SAMMSON: variants seen among roughly 807,000 people sequenced by gnomAD.
SAMMSON encodes survival associated mitochondrial melanoma specific oncogenic non-coding RNA, also known as long intergenic non-protein coding RNA 1212.
At chr3:70,418,687 T>C (rs1701284155) in intron 2 of SAMMSON, among the ~76,000 whole-genome samples, 1 of 152,188 alleles carries the variant, frequency 6.6e-6, no homozygotes, top group Admixed American at 6.5e-5. Context: ...ACTCCTCCTT[T>C]TAGGGTTTTA....
At chr3:70,023,937 A>G (rs191348706) in intron 3 of SAMMSON, among the ~76,000 whole-genome samples, 1 of 152,258 alleles carries the variant, frequency 6.6e-6, no homozygotes. Flanking sequence ...TCCTCCCAGA[A>G]TGCCCACAGT....
chr3:70,419,056 A>C (rs375023080), intron 2 of SAMMSON, among the ~76,000 whole-genome samples: 6 of 131,578 alleles, frequency 4.6e-5, no homozygotes, highest in East Asian at 2.3e-4. Context: ...CAGGGATCTC[A>C]CTCTTTCACC....
intron 7 of SAMMSON, among the ~76,000 whole-genome samples, chr3:70,304,014 G>T (rs541329086): frequency 6.6e-6 from 1 of 152,234 alleles, no homozygotes; most frequent in East Asian, 1.9e-4. Context: ...AATGTAGTAG[G>T]ATAGAGTTTA....
intron 7 of SAMMSON, among the ~76,000 whole-genome samples, chr3:70,326,271 G>C (rs1015306379): frequency 1.3e-5 from 2 of 152,026 alleles, no homozygotes. Context: ...TGATGGGTTT[G>C]ACATTCCAGC....
chr3:70,216,034 T>C (rs954685412), intron 4 of SAMMSON, among the ~76,000 whole-genome samples: 1 of 152,078 alleles, frequency 6.6e-6, no homozygotes, highest in African/African-American at 2.4e-5. Flanking sequence ...TACAAAAAGA[T>C]ACAAATAAAT....
chr3:70,019,628 AT>A (rs2067002609), intron 3 of SAMMSON, among the ~76,000 whole-genome samples: 1 of 152,070 alleles, frequency 6.6e-6, no homozygotes, highest in African/African-American at 2.4e-5. Context: ...TGTCATTATG[AT>A]GTTAGCTGGT....
intron 3 of SAMMSON, among the ~76,000 whole-genome samples, chr3:70,049,421 T>C (rs1040407549): frequency 2.0e-5 from 3 of 152,168 alleles, no homozygotes; most frequent in African/African-American, 7.2e-5. Context: ...TGTACATAAA[T>C]GCATATCACA....
chr3:70,038,190 G>C (rs1179985222), intron 3 of SAMMSON, among the ~76,000 whole-genome samples: 2 of 152,140 alleles, frequency 1.3e-5, no homozygotes, highest in Non-Finnish European at 2.9e-5. Flanking sequence ...TTGTGTGATA[G>C]GGTATAATGA....
intron 4 of SAMMSON, among the ~76,000 whole-genome samples, chr3:70,100,227 G>A (rs1225873505): frequency 6.6e-6 from 1 of 151,916 alleles, no homozygotes; most frequent in East Asian, 1.9e-4. Flanking sequence ...GCTCACTGCA[G>A]CCTCAACCTC....
At chr3:70,417,682 T>A (rs532867822) in intron 2 of SAMMSON, among the ~76,000 whole-genome samples, 1 of 152,152 alleles carries the variant, frequency 6.6e-6, no homozygotes, top group Non-Finnish European at 1.5e-5. Flanking sequence ...AGCTTATTTT[T>A]TTTTGTGGTC....
intron 7 of SAMMSON, among the ~76,000 whole-genome samples, chr3:70,323,817 G>C (rs1164982300): frequency 6.6e-6 from 1 of 152,062 alleles, no homozygotes; most frequent in Non-Finnish European, 1.5e-5. Flanking sequence ...CCTGGAGTCT[G>C]CTTCAGCTTC....
downstream of SAMMSON, among the ~76,000 whole-genome samples, chr3:70,392,066 G>A (rs57503871): frequency 0.062 from 9,498 of 152,102 alleles, 421 homozygotes; most frequent in African/African-American, 0.13. Flanking sequence ...TGGGTACCCC[G>A]CCTAGCCCTA....
At chr3:70,142,193 G>A (rs1576133600) in intron 4 of SAMMSON, among the ~76,000 whole-genome samples, 1 of 152,188 alleles carries the variant, frequency 6.6e-6, no homozygotes, top group East Asian at 1.9e-4. Context: ...TCTACCCAGA[G>A]GAAAAGAAGT....
chr3:70,008,813 A>T (rs560164606), intron 1 of SAMMSON, among the ~76,000 whole-genome samples: 1 of 152,338 alleles, frequency 6.6e-6, no homozygotes, highest in South Asian at 2.1e-4. Context: ...GATACGTCCC[A>T]TCAATACCTA....
intron 9 of SAMMSON, among the ~76,000 whole-genome samples, chr3:70,379,934 G>A (rs1011370575): frequency 1.3e-5 from 2 of 152,042 alleles, no homozygotes; most frequent in African/African-American, 4.8e-5. Flanking sequence ...GTTAAAAAAG[G>A]GAATAAGGCA....
At chr3:70,228,332 A>T (rs1377695212) in intron 4 of SAMMSON, among the ~76,000 whole-genome samples, 1 of 152,160 alleles carries the variant, frequency 6.6e-6, no homozygotes, top group Non-Finnish European at 1.5e-5. Context: ...CTTTTCTTTA[A>T]TCAAAGTTTC....
At chr3:70,328,683 C>T (rs1423055519) in intron 7 of SAMMSON, among the ~76,000 whole-genome samples, 2 of 152,026 alleles carry the variant, frequency 1.3e-5, no homozygotes, top group African/African-American at 4.8e-5. Flanking sequence ...TGGTGAACAA[C>T]TTTAAACAGT....
chr3:70,128,637 T>C (rs1316493967), intron 4 of SAMMSON, among the ~76,000 whole-genome samples: 1 of 152,226 alleles, frequency 6.6e-6, no homozygotes. Flanking sequence ...GAAATTCTTA[T>C]TTGAAAGGTT....
intron 4 of SAMMSON, among the ~76,000 whole-genome samples, chr3:70,130,001 T>G (rs73108017): frequency 0.073 from 11,075 of 152,294 alleles, 546 homozygotes; most frequent in Non-Finnish European, 0.11. Flanking sequence ...CCTTTGTGTG[T>G]ATGTGGTAAG....
Sources: gnomAD v4.1 joint callset for allele counts (sites outside exome capture counted in the v4.1 genomes callset) on GRCh38, gnomAD v4.1.1 for gene constraint, MANE v1.5 for transcripts, NCBI Gene and HGNC (gene_info 2026-07-23, HGNC 2026-07-21) for gene names.